TPO: variants seen among roughly 807,000 people sequenced by gnomAD.
TPO encodes the protein thyroid peroxidase.
A neutral mutation model predicts 96.9 loss-of-function variants in TPO; 78 were observed. The observed-to-expected ratio is 0.81, with a 90% CI of 0.67 to 0.97. The LOEUF is 0.97. Ranked by LOEUF, TPO falls within the 50% of genes least tolerant of loss-of-function variation. The probability of loss-of-function intolerance (pLI) is 0.00; values close to 1 mark genes in which losing one functional copy is unlikely to be tolerated. For synonymous variants in TPO, 547 were observed against 538.0 expected (o/e 1.02, Z -0.23); for missense variants, 1,252 against 1,274.8 (o/e 0.98, Z 0.27).
chr2:1,517,535 C>G (rs1396070114), intron 15 of TPO, among the ~76,000 whole-genome samples: 2 of 151,968 alleles, frequency 1.3e-5, no homozygotes, highest in Admixed American at 1.3e-4. Context: ...GTCCCTAGCC[C>G]TGAGGAACCG....
intron 1 of TPO, among the ~76,000 whole-genome samples, chr2:1,396,343 G>A (rs1662080137): frequency 6.6e-6 from 1 of 152,244 alleles, no homozygotes; most frequent in Non-Finnish European, 1.5e-5. Context: ...ACCCACTGGG[G>A]CCAGGGCAGG....
Position 1,477,557 on chromosome 2 carries a change from G to A in TPO, c.1291G>A (p.Asp431Asn). The change falls in exon 8 of 17, where the codon GAC (aspartate) becomes AAC (asparagine). Residue 431 changes from aspartate (D) to asparagine (N), a missense_variant. By Grantham distance (23) the Asp-to-Asn change is conservative (BLOSUM62 1). Transcript: ENST00000329066. ...LKALNAHWSA[D>N]AVYQEARKVV... The stretch of plus-strand genomic sequence containing the variant: ...GGCCCTCAATGCGCACTGGAGCGCG[G>A]ACGCCGTGTACCAGGAGGCGCGCAA... 6.5e-7 allele frequency: 1 copy of A among 1,536,674 alleles called. No homozygotes were observed. Among genetic ancestry groups the A allele is most frequent in the Non-Finnish European group, 8.7e-7 (1 of 1,146,976 alleles).
At chr2:1,541,370 T>G (rs1201910929) in intron 16 of TPO, 12 of 231,018 alleles carry the variant, frequency 5.2e-5, no homozygotes, top group Non-Finnish European at 8.3e-5. Flanking sequence ...AGGTTTTTTT[T>G]TTTTTGAGAT....
At position 1,542,829 on chromosome 2, in the gene TPO, C is replaced by A; in HGVS notation, c.*355C>A. 2.3e-6 allele frequency: 1 copy of A among 439,044 alleles called. No individual in the cohort carries two copies. The highest frequency in any genetic ancestry group is 2.1e-5 in the South Asian group (1 of 47,578). 27.2% of individuals were successfully genotyped at this position (439,044 alleles called of 1,614,324 possible). On this transcript the variant is annotated 3_prime_UTR_variant, in exon 17 of 17. Transcript: ENST00000329066. Reference sequence around the variant, plus strand: ...CGTGCTCGTCTGCACTCTGCCCCGGCGGTCCCTCCAGCACTGGTTTTTCCA... The same window carrying A: ...CGTGCTCGTCTGCACTCTGCCCCGGAGGTCCCTCCAGCACTGGTTTTTCCA...
chr2:1,511,673 T>C (rs1211129624), intron 14 of TPO, among the ~76,000 whole-genome samples: 1 of 152,190 alleles, frequency 6.6e-6, no homozygotes, highest in Non-Finnish European at 1.5e-5. Flanking sequence ...CCCAGGGCAG[T>C]CCCTCTGTGT....
At chr2:1,537,547 A>AC (rs1680089896) in intron 15 of TPO, among the ~76,000 whole-genome samples, 1 of 44,374 alleles carries the variant, frequency 2.3e-5, no homozygotes, top group Non-Finnish European at 4.0e-5. Context: ...CCCAGTGTGC[A>AC]ACCTCCTGAA....
At chr2:1,531,437 G>T (rs58666707) in intron 15 of TPO, among the ~76,000 whole-genome samples, 1 of 43,916 alleles carries the variant, frequency 2.3e-5, no homozygotes, top group Non-Finnish European at 3.4e-5. Flanking sequence ...CCCACTGTGA[G>T]CAACCTCCCC....
Position 1,484,765 on chromosome 2 carries a change from G to A in TPO, c.1508G>A (p.Arg503Lys), listed in dbSNP as rs1379407306. 1.2e-6 allele frequency: 2 copies of A among 1,614,110 alleles called. No individual in the cohort carries two copies. The highest frequency in any genetic ancestry group is 1.1e-5 in the South Asian group (1 of 91,084). The change falls in exon 9 of 17, where the codon AGG becomes AAG. Residue 503 changes from arginine (R) to lysine (K), a missense_variant. Transcript: ENST00000329066. Reference sequence around the variant, plus strand: ...GCCACGATCCACCCGCTGGTGAGGAGGCTGGACGCCAGCTTCCAGGAGCAC... The same window carrying A: ...GCCACGATCCACCCGCTGGTGAGGAAGCTGGACGCCAGCTTCCAGGAGCAC... The part of the protein sequence containing the change: ...GHATIHPLVR[R>K]LDASFQEHPD...
At chr2:1,497,941 A>G (rs1307877334) in intron 13 of TPO, among the ~76,000 whole-genome samples, 3 of 145,702 alleles carry the variant, frequency 2.1e-5, no homozygotes, top group African/African-American at 7.7e-5. Context: ...GAATCCTCTG[A>G]GGCCAGGAGT....
intron 1 of TPO, among the ~76,000 whole-genome samples, chr2:1,384,310 C>G (rs190433786): frequency 1.1e-3 from 174 of 152,290 alleles, no homozygotes; most frequent in African/African-American, 4.0e-3. Flanking sequence ...GCAGTATGGT[C>G]ATTTTCACCA....
In TPO at chr2:1,524,550, C is replaced by G. The variant is rs1442044450; in HGVS notation, c.2618+7568C>G. ...CCACCCACTGTGTGCAACCTCAGGTCCCCCACTGTGTGCAACCCCCCCAAT... is the reference window on the plus strand; with the variant it reads ...CCACCCACTGTGTGCAACCTCAGGTGCCCCACTGTGTGCAACCCCCCCAAT... On this transcript the variant is annotated intron_variant, in intron 15 of 16. Transcript: ENST00000329066. Among the ~76,000 whole-genome samples, 5 of 123,358 alleles carry G rather than the reference C, an allele frequency of 4.1e-5. No homozygotes were observed. In the East Asian group the frequency reaches 8.1e-4, roughly 20 times the overall value. 80.9% of individuals were successfully genotyped at this position (123,358 alleles called of 152,430 possible).
chr2:1,489,664 G>GAATGAATGAATGAATA (rs1292404761), intron 10 of TPO, among the ~76,000 whole-genome samples: 14 of 152,082 alleles, frequency 9.2e-5, no homozygotes, highest in African/African-American at 3.4e-4. Flanking sequence ...ATGAATGAAT[G>GAATGAATGAATGAATA]AATGAATGAA....
intron 7 of TPO, among the ~76,000 whole-genome samples, chr2:1,463,690 G>T: frequency 6.6e-6 from 1 of 152,166 alleles, no homozygotes; most frequent in East Asian, 1.9e-4. Context: ...TCATGACCTT[G>T]CTCCTTCTGG....
intron 3 of TPO, among the ~76,000 whole-genome samples, chr2:1,431,595 T>G (rs907227239): frequency 6.6e-6 from 1 of 152,218 alleles, no homozygotes; most frequent in Non-Finnish European, 1.5e-5. Flanking sequence ...AAAGTTAACA[T>G]ACCCATCACC....
At chr2:1,408,737 A>G (rs779516954), upstream of TPO, among the ~76,000 whole-genome samples, 1 of 152,122 alleles carries the variant, frequency 6.6e-6, no homozygotes, top group Non-Finnish European at 1.5e-5. Context: ...CAATCGGCCT[A>G]CTCAGACATT....
In TPO at chr2:1,531,059, C is replaced by T. The variant is rs184729938; in HGVS notation, c.2619-9535C>T. Among the ~76,000 whole-genome samples, 27 of 90,282 alleles carry T rather than the reference C, an allele frequency of 3.0e-4. 1 individual carries two copies. Among genetic ancestry groups the T allele is most frequent in the African/African-American group, 1.0e-3 (22 of 21,518 alleles). The allele number at this position is 90,282 out of a possible 152,430, so 59.2% of individuals were successfully genotyped here. ...TGTGCAACCCCCCCAAATACCCCCA[C>T]TATGTGCAACCTCCTCAAATCCCCC... On this transcript the variant is annotated intron_variant, in intron 15 of 16. Transcript: ENST00000329066.
At chr2:1,470,706 G>A (rs1406978838) in intron 7 of TPO, among the ~76,000 whole-genome samples, 2 of 152,056 alleles carry the variant, frequency 1.3e-5, no homozygotes, top group Non-Finnish European at 2.9e-5. Context: ...TAGATAAAGG[G>A]CATGATTCTG....
At chr2:1,460,727 G>A (rs1668349130) in intron 7 of TPO, among the ~76,000 whole-genome samples, 1 of 152,226 alleles carries the variant, frequency 6.6e-6, no homozygotes, top group African/African-American at 2.4e-5. Context: ...TGAGAGGGAT[G>A]TGGGGTGATT....
At chr2:1,482,730 G>A (rs193039536) in intron 8 of TPO, among the ~76,000 whole-genome samples, 8 of 152,242 alleles carry the variant, frequency 5.3e-5, no homozygotes, top group Admixed American at 1.3e-4. Context: ...GCGGAAGTGC[G>A]GTGGTACAAT....
Sources: allele counts gnomAD v4.1 joint callset (sites outside exome capture counted in the v4.1 genomes callset), GRCh38; gene constraint gnomAD v4.1.1; transcripts MANE v1.5; gene names NCBI Gene and HGNC (gene_info 2026-07-23, HGNC 2026-07-21).